EFNA5: variants seen among roughly 807,000 people sequenced by gnomAD.
The protein encoded by EFNA5 is ephrin-A5.
EFNA5 carries 5 observed loss-of-function variants against 22.9 expected under a neutral mutation model. The ratio of observed to expected loss-of-function variants is 0.22; its 90% CI spans 0.11 to 0.46. The LOEUF (loss-of-function observed/expected upper bound fraction) is 0.46. Among genes scored for constraint, EFNA5 ranks in the 20% least tolerant of loss-of-function variants. The probability of loss-of-function intolerance (pLI) is 0.99; values close to 1 mark genes in which losing one functional copy is unlikely to be tolerated. For synonymous variants in EFNA5, 113 were observed against 112.2 expected (o/e 1.01, Z -0.04); for missense variants, 237 against 293.3 (o/e 0.81, Z 1.40).
chr5:107,474,251 T>A (rs1255412828), intron 1 of EFNA5, among the ~76,000 whole-genome samples: 1 of 152,232 alleles, frequency 6.6e-6, no homozygotes, highest in Non-Finnish European at 1.5e-5. Context: ...ACCCAGTTTG[T>A]ACACCAGGTC....
chr5:107,389,402 G>A (rs1361843739), intron 2 of EFNA5, among the ~76,000 whole-genome samples: 1 of 152,200 alleles, frequency 6.6e-6, no homozygotes, highest in Non-Finnish European at 1.5e-5. Context: ...ACGGGTTCCT[G>A]AGGGAGTATA....
chr5:107,508,006 A>G (rs944574702), intron 1 of EFNA5, among the ~76,000 whole-genome samples: 6 of 151,980 alleles, frequency 3.9e-5, no homozygotes, highest in Non-Finnish European at 1.5e-5. Context: ...GAATCTGAAG[A>G]TTTTTTTTGA....
chr5:107,588,735 G>A (rs1202331991), intron 1 of EFNA5, among the ~76,000 whole-genome samples: 2 of 152,202 alleles, frequency 1.3e-5, no homozygotes, highest in Non-Finnish European at 2.9e-5. Flanking sequence ...AGGCTAAGGG[G>A]AAACAATGTG....
At chr5:107,601,825 G>A (rs1244930482) in intron 1 of EFNA5, among the ~76,000 whole-genome samples, 2 of 152,172 alleles carry the variant, frequency 1.3e-5, no homozygotes, top group Non-Finnish European at 2.9e-5. Flanking sequence ...GTAAGCTGGA[G>A]TTCTATGAAT....
At chr5:107,407,610 C>T (rs1748258761) in intron 2 of EFNA5, among the ~76,000 whole-genome samples, 1 of 152,094 alleles carries the variant, frequency 6.6e-6, no homozygotes, top group African/African-American at 2.4e-5. Flanking sequence ...GTCCCCAAAG[C>T]TCCTCTTAAA....
chr5:107,456,870 T>C (rs1203425763), intron 1 of EFNA5, among the ~76,000 whole-genome samples: 2 of 152,164 alleles, frequency 1.3e-5, no homozygotes, highest in East Asian at 1.9e-4. Flanking sequence ...ATGCTACTTA[T>C]CTAGTCAAAA....
At chr5:107,401,962 C>A (rs1748098025) in intron 2 of EFNA5, among the ~76,000 whole-genome samples, 1 of 152,206 alleles carries the variant, frequency 6.6e-6, no homozygotes, top group African/African-American at 2.4e-5. Context: ...CTCTACTTAG[C>A]TCCTTTATAC....
chr5:107,633,436 G>C (rs192890301), intron 1 of EFNA5, among the ~76,000 whole-genome samples: 71 of 152,304 alleles, frequency 4.7e-4, no homozygotes, highest in African/African-American at 1.7e-3. Flanking sequence ...GCATCCTGGC[G>C]GTAGCCAGCA....
intron 1 of EFNA5, among the ~76,000 whole-genome samples, chr5:107,461,976 A>G (rs1389783151): frequency 6.6e-6 from 1 of 152,154 alleles, no homozygotes; most frequent in Admixed American, 6.5e-5. Flanking sequence ...CTACACATTA[A>G]CTAAATTCCA....
chr5:107,545,694 A>G (rs890152029), intron 1 of EFNA5, among the ~76,000 whole-genome samples: 1 of 152,150 alleles, frequency 6.6e-6, no homozygotes, highest in African/African-American at 2.4e-5. Flanking sequence ...GCTGGCATCA[A>G]AGGGAAATTT....
At chr5:107,582,062 C>T (rs1314987709) in intron 1 of EFNA5, among the ~76,000 whole-genome samples, 1 of 152,052 alleles carries the variant, frequency 6.6e-6, no homozygotes, top group Non-Finnish European at 1.5e-5. Context: ...TCTAAGTACA[C>T]AGGTATCAAT....
intron 1 of EFNA5, among the ~76,000 whole-genome samples, chr5:107,509,762 A>T (rs545001261): frequency 4.7e-4 from 71 of 152,308 alleles, no homozygotes; most frequent in South Asian, 1.5e-3. Flanking sequence ...TGCCTATTAC[A>T]TTCATTAGTA....
At chr5:107,557,864 T>C (rs1450536679) in intron 1 of EFNA5, among the ~76,000 whole-genome samples, 1 of 152,178 alleles carries the variant, frequency 6.6e-6, no homozygotes, top group East Asian at 1.9e-4. Flanking sequence ...AGCAGTCAAG[T>C]GGAGCGGTTC....
intron 1 of EFNA5, among the ~76,000 whole-genome samples, chr5:107,517,183 G>C (rs1291097388): frequency 6.6e-6 from 1 of 151,468 alleles, no homozygotes; most frequent in Non-Finnish European, 1.5e-5. Context: ...ATGGAAAAAA[G>C]TCCAGTATTT....
intron 1 of EFNA5, among the ~76,000 whole-genome samples, chr5:107,600,898 G>A (rs1165697319): frequency 6.6e-6 from 1 of 152,166 alleles, no homozygotes; most frequent in Admixed American, 6.5e-5. Context: ...AGGAGAGAAA[G>A]ATTCCGTATC....
rs114247725 is a variant in EFNA5, at chr5:107,559,909, T to A, written c.125+110580A>T. Among the ~76,000 whole-genome samples the A allele has an allele frequency of 5.8e-3, 880 of 152,304 alleles. 6 individuals carry two copies. Among genetic ancestry groups the A allele is most frequent in the Non-Finnish European group, 9.1e-3 (616 of 68,014 alleles). On this transcript the variant is annotated intron_variant, in intron 1 of 4. Coordinates refer to ENST00000333274, the MANE Select transcript of EFNA5 (RefSeq NM_001962.3). Reference sequence around the variant, plus strand: ...CCAAATCTGAACATATGAATATACTTTGAAACAAGGATTGGGCATAGATAT... The same window carrying A: ...CCAAATCTGAACATATGAATATACTATGAAACAAGGATTGGGCATAGATAT...
At chr5:107,517,362 A>G (rs1450557483) in intron 1 of EFNA5, among the ~76,000 whole-genome samples, 2 of 152,158 alleles carry the variant, frequency 1.3e-5, no homozygotes. Context: ...TGATAAAAGT[A>G]CTGAACTCCG....
At chr5:107,575,824 C>A (rs73198681) in intron 1 of EFNA5, among the ~76,000 whole-genome samples, 2,791 of 152,216 alleles carry the variant, frequency 0.018, 91 homozygotes, top group African/African-American at 0.064. Context: ...TTTAACATGA[C>A]CTATTTCTAG....
chr5:107,629,180 C>T (rs1214708439), intron 1 of EFNA5, among the ~76,000 whole-genome samples: 1 of 151,872 alleles, frequency 6.6e-6, no homozygotes, highest in East Asian at 1.9e-4. Flanking sequence ...AGTCTACACA[C>T]ACAAAAAATT....
Sources: allele counts gnomAD v4.1 joint callset (sites outside exome capture counted in the v4.1 genomes callset), GRCh38; gene constraint gnomAD v4.1.1; transcripts MANE v1.5; gene names NCBI Gene and HGNC (gene_info 2026-07-23, HGNC 2026-07-21).